Variants in SYT7 observed in about 807,000 individuals in gnomAD.
The protein encoded by SYT7 is synaptotagmin 7.
A neutral mutation model predicts 75.1 loss-of-function variants in SYT7; 29 were observed. That is an observed-to-expected ratio of 0.39 (90% CI 0.29 to 0.53). SYT7 has a LOEUF of 0.53. Ranked by LOEUF, SYT7 falls within the 20% of genes least tolerant of loss-of-function variation. SYT7 has a pLI of 0.77. For missense variants in SYT7, 693 were observed against 953.2 expected, an observed-to-expected ratio of 0.73 and a Z score of 3.59; for synonymous variants, 376 against 401.7, an observed-to-expected ratio of 0.94 and a Z score of 0.76.
At chr11:61,521,581 G>A (rs2062334380) in intron 12 of SYT7, among the ~76,000 whole-genome samples, 2 of 152,294 alleles carry the variant, frequency 1.3e-5, no homozygotes, top group South Asian at 4.1e-4. Context: ...AGCAGGGGAA[G>A]CTCTCCTCTT....
intron 12 of SYT7, among the ~76,000 whole-genome samples, chr11:61,522,466 A>G (rs2062372683): frequency 6.6e-6 from 1 of 152,198 alleles, no homozygotes; most frequent in South Asian, 2.1e-4. Context: ...CTGGGATTAC[A>G]GGCATGAGCC....
upstream of SYT7, among the ~76,000 whole-genome samples, chr11:61,584,566 C>T (rs1332952719): frequency 6.6e-6 from 1 of 152,162 alleles, no homozygotes; most frequent in East Asian, 1.9e-4. Context: ...GATGTCTAAC[C>T]ATGAACCATT....
At chr11:61,561,267 C>T (rs898984601) in intron 1 of SYT7, among the ~76,000 whole-genome samples, 1 of 152,204 alleles carries the variant, frequency 6.6e-6, no homozygotes, top group Admixed American at 6.5e-5. Flanking sequence ...AGACAGGCAA[C>T]ATCAGGAAAC....
At chr11:61,558,764 C>T (rs532170340) in intron 1 of SYT7, among the ~76,000 whole-genome samples, 4 of 151,868 alleles carry the variant, frequency 2.6e-5, no homozygotes, top group Non-Finnish European at 5.9e-5. Flanking sequence ...TTTGTTGAGA[C>T]GGAGCTCTGC....
In SYT7 at chr11:61,547,168, G is replaced by GTCAC. The variant is rs2063216507; in HGVS notation, c.347+5_347+8dup. ...GGTACATATGATCAAACCAGGTAAA[G>GTCAC]TCACTCACTTGAGGGACAGTCGTGG... On this transcript the variant is annotated intron_variant, in intron 4 of 12. Coordinates refer to ENST00000539008, the MANE Select transcript of SYT7 (RefSeq NM_001365809.2). 16 of 1,535,120 alleles carry GTCAC rather than the reference G, an allele frequency of 1.0e-5. No homozygotes were observed. Among genetic ancestry groups the GTCAC allele is most frequent in the Non-Finnish European group, 1.4e-5 (16 of 1,146,642 alleles).
chr11:61,531,761 G>A (rs1565173488), intron 8 of SYT7, among the ~76,000 whole-genome samples: 3 of 151,900 alleles, frequency 2.0e-5, no homozygotes, highest in Non-Finnish European at 2.9e-5. Flanking sequence ...GGGCGTGGTG[G>A]TGTACTACTG....
At chr11:61,530,907 C>T in intron 8 of SYT7, 1 of 985,450 alleles carries the variant, frequency 1.0e-6, no homozygotes, top group South Asian at 4.7e-5. Flanking sequence ...AAGGTGCTTC[C>T]TGAGCGCTTG....
At position 61,580,972 on chromosome 11, in the gene SYT7, G is replaced by C. The variant is rs2064250125; in HGVS notation, c.-152C>G. 1 of 980,508 alleles carries C rather than the reference G, an allele frequency of 1.0e-6. No individual in the cohort carries two copies. The highest frequency in any genetic ancestry group is 1.8e-5 in the African/African-American group (1 of 56,634). The allele number at this position is 980,508 out of a possible 1,614,324, so 60.7% of individuals were successfully genotyped here. ...GGGCTGCACCTAGCCGCGGAGCCGGGGAGCGGGGGCCGCCCGCCAGCCCTC... is the reference window on the plus strand; with the variant it reads ...GGGCTGCACCTAGCCGCGGAGCCGGCGAGCGGGGGCCGCCCGCCAGCCCTC... On this transcript the variant is annotated 5_prime_UTR_variant, in exon 1 of 13. Transcript: ENST00000539008. This position sits in a 1 kb window ranked among gnomAD's most constrained non-coding sequence, Gnocchi z 6.1.
chr11:61,551,595 G>T lies in SYT7; in HGVS notation c.136-132C>A. On this transcript the variant is annotated intron_variant, in intron 2 of 12. Transcript: ENST00000539008. The surrounding 1 kb of genome is among the most constrained non-coding windows in gnomAD (Gnocchi z 5.3). ...GGCAACAAGGCCAGGACCAGTGTGC[G>T]AGGCTGTCACCGCGGTGGGGGCCAA... 1 of 898,198 alleles carries T rather than the reference G, an allele frequency of 1.1e-6. No individual in the cohort carries two copies. The allele number at this position is 898,198 out of a possible 1,614,324, so 55.6% of individuals were successfully genotyped here.
chr11:61,559,957 G>C (rs1468188421), intron 1 of SYT7, among the ~76,000 whole-genome samples: 1 of 152,232 alleles, frequency 6.6e-6, no homozygotes, highest in Non-Finnish European at 1.5e-5. Context: ...TGGCCAGCAA[G>C]ACACTTGACT....
chr11:61,577,344 G>A (rs1297639910), intron 1 of SYT7, among the ~76,000 whole-genome samples: 6 of 152,266 alleles, frequency 3.9e-5, no homozygotes, highest in African/African-American at 1.4e-4. Flanking sequence ...TGCAGGCCAG[G>A]GAGGCCCGGG....
intron 8 of SYT7, among the ~76,000 whole-genome samples, chr11:61,530,071 C>G (rs74584590): frequency 0.032 from 4,917 of 152,304 alleles, 242 homozygotes; most frequent in African/African-American, 0.11. Context: ...ACACGTGGAA[C>G]ACAGCTGGAA....
intron 1 of SYT7, among the ~76,000 whole-genome samples, chr11:61,562,064 A>ACG (rs1472505137): frequency 2.7e-5 from 4 of 148,744 alleles, no homozygotes; most frequent in Non-Finnish European, 5.9e-5. Context: ...ACACACACAC[A>ACG]CACGCACGCA....
At chr11:61,572,083 A>G (rs1436370351) in intron 1 of SYT7, among the ~76,000 whole-genome samples, 1 of 150,838 alleles carries the variant, frequency 6.6e-6, no homozygotes, top group Non-Finnish European at 1.5e-5. Context: ...CACCTCCCCA[A>G]CCAGGCGGGG....
rs762273953 is a variant in SYT7, at chr11:61,533,057, C to T, written c.1132G>A (p.Asp378Asn). 11 of 1,613,114 alleles carry T rather than the reference C, an allele frequency of 6.8e-6. No homozygotes were observed. The highest frequency in any genetic ancestry group is 4.0e-5 in the African/African-American group (3 of 74,932). The change falls in exon 8 of 13, where the codon GAC becomes AAC. Residue 378 changes from aspartate to asparagine, a missense_variant. Coordinates refer to ENST00000539008, the MANE Select transcript of SYT7 (RefSeq NM_001365809.2). ...VPGQTPHDESDRRTEPRSSVS... is the reference protein window; with the variant it reads ...VPGQTPHDESNRRTEPRSSVS... The stretch of plus-strand genomic sequence containing the variant: ...GAGGAACGTGGCTCGGTCCGGCGGT[C>T]GGACTCATCGTGGGGTGTCTGGCCT...
At chr11:61,557,135 T>C (rs2063520014) in intron 1 of SYT7, among the ~76,000 whole-genome samples, 1 of 152,120 alleles carries the variant, frequency 6.6e-6, no homozygotes, top group Non-Finnish European at 1.5e-5. Flanking sequence ...TCATGGGTGA[T>C]TGTAAACATT....
At position 61,513,891 on chromosome 11, in the gene SYT7, C is replaced by A. The variant is rs777655094; in HGVS notation, c.*4736G>T. Among the ~76,000 whole-genome samples, 1 of 152,146 alleles carries A rather than the reference C, an allele frequency of 6.6e-6. No individual in the cohort carries two copies. The highest frequency in any genetic ancestry group is 1.9e-4 in the East Asian group (1 of 5,190). On this transcript the variant is annotated 3_prime_UTR_variant, in exon 13 of 13. Transcript: ENST00000539008. ...GGGAAACAGATGGTCTGGGGAGCCA[C>A]GAGCTGGGGCATCGGCGTGCTCAAG...
At chr11:61,520,722 C>T (rs1027448838) in intron 12 of SYT7, among the ~76,000 whole-genome samples, 1 of 152,042 alleles carries the variant, frequency 6.6e-6, no homozygotes. Flanking sequence ...ACTTGGGAGG[C>T]TGAGGCAGGA....
At chr11:61,558,676 G>A (rs1343456398) in intron 1 of SYT7, among the ~76,000 whole-genome samples, 2 of 152,074 alleles carry the variant, frequency 1.3e-5, no homozygotes, top group African/African-American at 4.8e-5. Context: ...CAAACAGCAG[G>A]ACACCCAGCC....
Sources: allele counts gnomAD v4.1 joint callset (sites outside exome capture counted in the v4.1 genomes callset), GRCh38; gene constraint gnomAD v4.1.1; non-coding constraint Gnocchi (gnomAD v3.1); transcripts MANE v1.5; gene names NCBI Gene and HGNC (gene_info 2026-07-23, HGNC 2026-07-21).